The following TSC22D2 variants were observed in gnomAD, a reference collection of about 807,000 sequenced individuals.
TSC22D2 encodes TSC22 domain family member 2, also known as TSC22 domain family protein 2.
In TSC22D2, 5 loss-of-function variants were observed where a neutral mutation model predicts 50.1. The ratio of observed to expected loss-of-function variants is 0.10; its 90% confidence interval spans 0.05 to 0.21. TSC22D2 has a LOEUF of 0.21. Ranked by LOEUF, TSC22D2 falls within the 10% of genes least tolerant of loss-of-function variation. The pLI is 1.00. For missense variants in TSC22D2, 1,003 were observed against 1,015.5 expected, an observed-to-expected ratio of 0.99 and a Z score of 0.17; for synonymous variants, 501 against 450.1, an observed-to-expected ratio of 1.11 and a Z score of -1.43.
chr3:150,420,743 G>T (rs1297951076), intron 1 of TSC22D2, among the ~76,000 whole-genome samples: 1 of 152,230 alleles, frequency 6.6e-6, no homozygotes, highest in East Asian at 1.9e-4. Flanking sequence ...ATATGAATTT[G>T]ATTCAAATTA....
intron 1 of TSC22D2, among the ~76,000 whole-genome samples, chr3:150,428,125 A>T (rs1576547282): frequency 2.6e-5 from 4 of 152,258 alleles, no homozygotes; most frequent in Admixed American, 2.6e-4. Context: ...AATTTGTAAC[A>T]TAGCACTGTT....
At position 150,409,847 on chromosome 3, in the gene TSC22D2, A is replaced by G. The variant is rs758138770; in HGVS notation, c.497A>G (p.Lys166Arg). 1.2e-6 allele frequency: 2 copies of G among 1,608,850 alleles called. No homozygotes were observed. The highest frequency in any genetic ancestry group is 1.3e-5 in the African/African-American group (1 of 74,936). ...TGTAGTTCCCGTTTTCGCGTGATCAAGCTGGACCACGGGAGCGGAGAGCCC... is the reference window on the plus strand; with the variant it reads ...TGTAGTTCCCGTTTTCGCGTGATCAGGCTGGACCACGGGAGCGGAGAGCCC... ...TTCSSRFRVI[K>R]LDHGSGEPYR... The change falls in exon 1 of 3, where the codon AAG becomes AGG. Residue 166 changes from lysine (K) to arginine (R), a missense_variant. Lys to Arg is a conservative substitution (Grantham distance 26). Transcript: ENST00000688009. The surrounding 1 kb of genome is among the most constrained non-coding windows in gnomAD (Gnocchi z 7.4).
intron 1 of TSC22D2, among the ~76,000 whole-genome samples, chr3:150,449,821 A>C (rs568212146): frequency 2.6e-5 from 4 of 152,218 alleles, no homozygotes; most frequent in Admixed American, 2.0e-4. Context: ...AAATAGTATT[A>C]CATTATAGTT....
At position 150,409,693 on chromosome 3, in the gene TSC22D2, G is replaced by A. The variant is rs1179369495; in HGVS notation, c.343G>A (p.Gly115Arg). Residue 115 changes from glycine (G) to arginine (R), a missense_variant, in exon 1 of 3, where the codon GGG becomes AGG. Gly to Arg is a moderately radical substitution (Grantham distance 125, BLOSUM62 -2). Around this residue, in one of 6 missense-constraint regions of TSC22D2, gnomAD observed 200 missense variants for 182.8 expected, o/e 1.09. Transcript: ENST00000688009. This position sits in a 1 kb window ranked among gnomAD's most constrained non-coding sequence, Gnocchi z 7.4. Reference protein sequence around the residue: ...GGVVSARSVSGALASTLAAAA... With the variant: ...GGVVSARSVSRALASTLAAAA... ...AGTCGTTTCGGCCCGGAGCGTGTCT[G>A]GGGCGCTCGCCAGTACCCTGGCGGC... 1.9e-6 allele frequency: 3 copies of A among 1,588,608 alleles called. No individual in the cohort carries two copies. In the South Asian group the frequency reaches 3.3e-5, roughly 18 times the overall value.
rs1281752194 is a variant in TSC22D2, at chr3:150,458,530, C to A, written c.2165C>A (p.Pro722Gln). ...LSSNDQLSQL[P>Q]TQQANPGSTS... is the part of the protein sequence containing the mutation. The stretch of plus-strand genomic sequence containing the variant: ...AGCAATGATCAATTATCCCAACTCC[C>A]AACCCAACAGGCCAATCCTGGTAGC... Residue 722 changes from proline to glutamine, a missense_variant, in exon 3 of 3, where the codon CCA (proline) becomes CAA (glutamine). Around this residue, in one of 6 missense-constraint regions of TSC22D2, gnomAD observed 54 missense variants for 51.4 expected, o/e 1.05. Coordinates refer to ENST00000688009, the MANE Select transcript of TSC22D2 (RefSeq NM_001303264.2). The A allele has an allele frequency of 1.2e-6, 2 of 1,614,166 alleles. No individual in the cohort carries two copies. The highest frequency in any genetic ancestry group is 1.7e-6 in the Non-Finnish European group (2 of 1,180,016).
rs1721399413 is a variant in TSC22D2, at chr3:150,461,531, G to A, written c.*2895G>A. The A allele has an allele frequency of 6.6e-6, 1 of 152,074 alleles. No individual in the cohort carries two copies. The highest frequency in any genetic ancestry group is 1.5e-5 in the Non-Finnish European group (1 of 68,016). 9.4% of individuals were successfully genotyped at this position (152,074 alleles called of 1,614,324 possible). A position where few individuals can be genotyped will look rare whatever the true frequency, so the allele number is the denominator to read the frequency against. On this transcript the variant is annotated 3_prime_UTR_variant, in exon 3 of 3. Coordinates refer to ENST00000688009, the MANE Select transcript of TSC22D2 (RefSeq NM_001303264.2). ...TAGAAATTTTTCTGATACGGTAATT[G>A]TCTACAATTCAAACCTAACTTTCCC... is the stretch of plus-strand genomic sequence containing the variant.
chr3:150,435,958 A>G (rs1027213234), intron 1 of TSC22D2, among the ~76,000 whole-genome samples: 32 of 152,106 alleles, frequency 2.1e-4, no homozygotes, highest in African/African-American at 7.7e-4. Context: ...GAAGAATTCT[A>G]ATTTTAAATT....
intron 1 of TSC22D2, among the ~76,000 whole-genome samples, chr3:150,450,100 G>T (rs569280450): frequency 2.0e-5 from 3 of 152,144 alleles, no homozygotes; most frequent in African/African-American, 7.2e-5. Flanking sequence ...TAGACAAAGG[G>T]GGTCTAAGGT....
At chr3:150,416,540 T>A (rs1463660339) in intron 1 of TSC22D2, among the ~76,000 whole-genome samples, 1 of 152,134 alleles carries the variant, frequency 6.6e-6, no homozygotes, top group Non-Finnish European at 1.5e-5. Context: ...TTGTATTGAG[T>A]CCACAGAGAA....
At chr3:150,451,970 A>C (rs370686238) in intron 1 of TSC22D2, among the ~76,000 whole-genome samples, 22 of 152,146 alleles carry the variant, frequency 1.4e-4, no homozygotes, top group Non-Finnish European at 2.6e-4. Context: ...CAGTCTTCCC[A>C]CACAGCCTCC....
intron 1 of TSC22D2, among the ~76,000 whole-genome samples, chr3:150,452,079 A>G (rs1342375218): frequency 1.3e-5 from 2 of 152,088 alleles, no homozygotes; most frequent in African/African-American, 4.8e-5. Flanking sequence ...TTTATTTTAA[A>G]TAAGTAGTCA....
intron 1 of TSC22D2, among the ~76,000 whole-genome samples, chr3:150,454,098 A>G (rs907172551): frequency 3.9e-5 from 6 of 152,164 alleles, no homozygotes; most frequent in Non-Finnish European, 8.8e-5. Flanking sequence ...TTTTTGCACT[A>G]TAAAAAGTTT....
rs760994705 is a variant in TSC22D2, at chr3:150,410,405, A to T, written c.1055A>T (p.Gln352Leu). Residue 352 changes from glutamine (Q) to leucine (L), a missense_variant, in exon 1 of 3, where the codon CAG becomes CTG. This residue lies in a region of TSC22D2 where 696 missense variants were observed against 647.8 expected (regional missense o/e 1.07). Transcript: ENST00000688009. Reference protein sequence around the residue: ...PGPAVGAPAAQQPQQFAYPQP... With the variant: ...PGPAVGAPAALQPQQFAYPQP... ...CCTGCAGTGGGCGCCCCCGCGGCGC[A>T]GCAGCCCCAGCAGTTCGCGTATCCT... 5.0e-6 allele frequency: 8 copies of T among 1,607,846 alleles called. No individual in the cohort carries two copies. In the Admixed American group the frequency reaches 1.3e-4, roughly 27 times the overall value.
At chr3:150,416,977 A>T in intron 1 of TSC22D2, among the ~76,000 whole-genome samples, 1 of 152,264 alleles carries the variant, frequency 6.6e-6, no homozygotes, top group Middle Eastern at 3.4e-3. Flanking sequence ...AAGTGCTTCC[A>T]TCCTTTTAAG....
At chr3:150,437,669 G>A (rs887844926) in intron 1 of TSC22D2, among the ~76,000 whole-genome samples, 5 of 151,768 alleles carry the variant, frequency 3.3e-5, no homozygotes, top group Admixed American at 6.6e-5. Flanking sequence ...TTAGCCAGGC[G>A]TGGTGGCACG....
At chr3:150,439,163 A>G (rs899358351) in intron 1 of TSC22D2, among the ~76,000 whole-genome samples, 1 of 152,164 alleles carries the variant, frequency 6.6e-6, no homozygotes, top group African/African-American at 2.4e-5. Flanking sequence ...TATTTTCATT[A>G]AAGTGTGGTA....
chr3:150,409,181 C>A lies in TSC22D2; in HGVS notation c.-170C>A. ...GAGAAGGAAACGAGGAGGAGGATGT[C>A]TCACCGGGCGGCCAGCGCCTGGATC... On this transcript the variant is annotated 5_prime_UTR_variant, in exon 1 of 3. Coordinates refer to ENST00000688009, the MANE Select transcript of TSC22D2 (RefSeq NM_001303264.2). This position sits in a 1 kb window ranked among gnomAD's most constrained non-coding sequence, Gnocchi z 7.4. 1.6e-6 allele frequency: 1 copy of A among 617,986 alleles called. No individual in the cohort carries two copies. The highest frequency in any genetic ancestry group is 2.7e-6 in the Non-Finnish European group (1 of 372,528). The allele number at this position is 617,986 out of a possible 1,614,324, so 38.3% of individuals were successfully genotyped here. A position where few individuals can be genotyped will look rare whatever the true frequency, so the allele number is the denominator to read the frequency against.
At chr3:150,431,173 C>G (rs1277847772) in intron 1 of TSC22D2, among the ~76,000 whole-genome samples, 1 of 130,514 alleles carries the variant, frequency 7.7e-6, no homozygotes, top group African/African-American at 3.0e-5. Context: ...TGCAGTGAGC[C>G]GAGATCGCGC....
chr3:150,446,476 C>T (rs1466762386), intron 1 of TSC22D2, among the ~76,000 whole-genome samples: 1 of 152,176 alleles, frequency 6.6e-6, no homozygotes, highest in East Asian at 1.9e-4. Flanking sequence ...AGAGTGAGAT[C>T]TGTCTTTACA....
Sources: allele counts gnomAD v4.1 joint callset (sites outside exome capture counted in the v4.1 genomes callset), GRCh38; gene constraint gnomAD v4.1.1; regional missense constraint gnomAD v4.1.1; non-coding constraint Gnocchi (gnomAD v3.1); transcripts MANE v1.5; gene names NCBI Gene and HGNC (gene_info 2026-07-23, HGNC 2026-07-21).